XDH: variants seen among roughly 807,000 people sequenced by gnomAD.
XDH encodes the protein xanthine dehydrogenase, also known as xanthine dehydrogenase/oxidase.
XDH carries 138 observed loss-of-function variants against 156.1 expected under a neutral mutation model. That is an observed-to-expected ratio of 0.88 (90% CI 0.77 to 1.02). The LOEUF (loss-of-function observed/expected upper bound fraction) is 1.02, where lower values mean the gene tolerates loss of function less well. XDH is among the 50% of genes least tolerant of loss of function. The pLI is 0.00. For synonymous variants in XDH, 669 were observed against 625.7 expected, an observed-to-expected ratio of 1.07 and a Z score of -1.03; for missense variants, 1,849 against 1,684.9, an observed-to-expected ratio of 1.10 and a Z score of -1.71.
intron 2 of XDH, among the ~76,000 whole-genome samples, chr2:31,403,427 C>T (rs1273047778): frequency 1.3e-5 from 2 of 152,142 alleles, no homozygotes; most frequent in East Asian, 3.9e-4. Flanking sequence ...AGTTCTAGGA[C>T]TGGTCAGTCC....
chr2:31,373,332 T>TG (rs1297236135), intron 16 of XDH, among the ~76,000 whole-genome samples: 2 of 152,216 alleles, frequency 1.3e-5, no homozygotes, highest in Admixed American at 1.3e-4. Context: ...ACAAGCCCAC[T>TG]GCCTGTTTTT....
intron 9 of XDH, 64 bp from the exon 10 acceptor site, chr2:31,383,911 A>T: frequency 7.1e-7 from 1 of 1,409,230 alleles, no homozygotes; most frequent in Non-Finnish European, 1.0e-6. Flanking sequence ...AGGCCTTAGC[A>T]GCTTTTCTCA....
At chr2:31,369,040 C>A (rs1686000513) in intron 18 of XDH, among the ~76,000 whole-genome samples, 1 of 152,184 alleles carries the variant, frequency 6.6e-6, no homozygotes, top group South Asian at 2.1e-4. Flanking sequence ...GAAGGCAAGG[C>A]CACATTTGGC....
chr2:31,403,597 T>C (rs1285872401), intron 2 of XDH, among the ~76,000 whole-genome samples: 2 of 152,164 alleles, frequency 1.3e-5, no homozygotes, highest in East Asian at 3.8e-4. Context: ...GAGTCCTTGC[T>C]TTTCACTCTG....
chr2:31,412,493 G>A (rs879602622), intron 1 of XDH, among the ~76,000 whole-genome samples: 2 of 152,092 alleles, frequency 1.3e-5, no homozygotes, highest in Non-Finnish European at 1.5e-5. Context: ...GGGGTGGGGG[G>A]AGAGGGGAGG....
chr2:31,370,625 T>A, intron 17 of XDH, 147 bp from the exon 18 acceptor site: 1 of 1,118,622 alleles, frequency 8.9e-7, no homozygotes, highest in Non-Finnish European at 1.3e-6. Context: ...AGATTCTAAT[T>A]CAATTATATC....
intron 32 of XDH, among the ~76,000 whole-genome samples, chr2:31,341,868 G>C (rs1416831218): frequency 6.6e-6 from 1 of 152,166 alleles, no homozygotes; most frequent in African/African-American, 2.4e-5. Context: ...AAAATTGTAT[G>C]AGATTCAATT....
At position 31,335,020 on chromosome 2, in the gene XDH, C is replaced by T. The variant is rs193245354; in HGVS notation, c.*938G>A. 10 of 152,246 alleles carry T rather than the reference C, an allele frequency of 6.6e-5. No homozygotes were observed. In the South Asian group the frequency reaches 1.5e-3, roughly 22 times the overall value. The allele number at this position is 152,246 out of a possible 1,614,324, so 9.4% of individuals were successfully genotyped here. A position where few individuals can be genotyped will look rare whatever the true frequency, so the allele number is the denominator to read the frequency against. ...AAGTAGTTGGGACTACAGGCATGCA[C>T]TATCAAGACCAACTAATTAAAAAAA... is the stretch of plus-strand genomic sequence containing the variant. On this transcript the variant is annotated 3_prime_UTR_variant, in exon 36 of 36. Transcript: ENST00000379416.
At chr2:31,374,860 G>A (rs1331727143) in intron 15 of XDH, among the ~76,000 whole-genome samples, 1 of 151,174 alleles carries the variant, frequency 6.6e-6, no homozygotes, top group Non-Finnish European at 1.5e-5. Context: ...TCAGGAGCTG[G>A]GCCCACCTCA....
chr2:31,392,101 C>T (rs1686781480), intron 6 of XDH, among the ~76,000 whole-genome samples: 1 of 151,992 alleles, frequency 6.6e-6, no homozygotes, highest in East Asian at 1.9e-4. Flanking sequence ...TAGAGTTGTT[C>T]TTAATATTCC....
rs1490538755 is a variant in XDH, at chr2:31,398,628, T to A, written c.378A>T (p.Thr126=). The A allele has an allele frequency of 1.3e-5, 21 of 1,614,106 alleles. No individual in the cohort carries two copies. The highest frequency in any genetic ancestry group is 1.7e-5 in the Non-Finnish European group (20 of 1,179,992). ...TGGGCTCGGGCTGATTCCGGAGCAGTGTGTACATACTCATGACGATGCCAG... is the reference window on the plus strand; with the variant it reads ...TGGGCTCGGGCTGATTCCGGAGCAGAGTGTACATACTCATGACGATGCCAG... ...CTPGIVMSMY[T]LLRNQPEPTM... is the part of the protein sequence containing the mutation. Residue 126 remains threonine (T), a synonymous_variant, in exon 5 of 36, where the codon ACA becomes ACT. Coordinates refer to ENST00000379416, the MANE Select transcript of XDH (RefSeq NM_000379.4).
In XDH at chr2:31,378,175, G is replaced by GAAGGAAGGAAGC. The variant is rs1686325599; in HGVS notation, c.1243-939_1243-938insGCTTCCTTCCTT. 1.1e-4 allele frequency among the ~76,000 whole-genome samples: 8 copies of GAAGGAAGGAAGC among 71,610 alleles called. 1 individual carries two copies. The highest frequency in any genetic ancestry group is 4.1e-4 in the African/African-American group (7 of 17,148). The allele number at this position is 71,610 out of a possible 152,430, so 47.0% of individuals were successfully genotyped here. The stretch of plus-strand genomic sequence containing the variant: ...GGAAGGAAGGAAGGAAGGAAGGAAG[G>GAAGGAAGGAAGC]AAGCAAGCAAGCAAGCAAAGCAAGA... On this transcript the variant is annotated intron_variant, in intron 13 of 35. Coordinates refer to ENST00000379416, the MANE Select transcript of XDH (RefSeq NM_000379.4).
At position 31,335,916 on chromosome 2, in the gene XDH, G is replaced by A; in HGVS notation, c.*42C>T. On this transcript the variant is annotated 3_prime_UTR_variant, in exon 36 of 36. Coordinates refer to ENST00000379416, the MANE Select transcript of XDH (RefSeq NM_000379.4). Reference sequence around the variant, plus strand: ...GGTATGTTCCTCCTGCTCCATGGAAGCCCAAAGGCAGCACAAGAAGACTCT... The same window carrying A: ...GGTATGTTCCTCCTGCTCCATGGAAACCCAAAGGCAGCACAAGAAGACTCT... The A allele has an allele frequency of 1.2e-6, 2 of 1,607,284 alleles. No homozygotes were observed. The highest frequency in any genetic ancestry group is 1.7e-6 in the Non-Finnish European group (2 of 1,173,780).
chr2:31,368,703 T>C (rs1304806889), intron 18 of XDH, 43 bp from the exon 19 acceptor site: 3 of 1,614,194 alleles, frequency 1.9e-6, no homozygotes, highest in South Asian at 2.2e-5. Context: ...ACCAGGCTCA[T>C]GGTGAAACAA....
intron 13 of XDH, among the ~76,000 whole-genome samples, chr2:31,377,505 T>G (rs768631465): frequency 6.6e-6 from 1 of 152,066 alleles, no homozygotes; most frequent in Non-Finnish European, 1.5e-5. Context: ...AAAGTAGAAC[T>G]GGGTGGTCTC....
intron 7 of XDH, 135 bp downstream of exon 7, chr2:31,388,092 C>T: frequency 9.0e-7 from 1 of 1,112,364 alleles, no homozygotes; most frequent in South Asian, 1.3e-5. Flanking sequence ...CCATCACCAT[C>T]CCCACAGTCT....
At chr2:31,374,032 T>C in intron 15 of XDH, 76 bp from the exon 16 acceptor site, 1 of 1,413,684 alleles carries the variant, frequency 7.1e-7, no homozygotes, top group South Asian at 1.2e-5. Context: ...TCCATAAAAA[T>C]GACCAAACTG....
chr2:31,379,814 C>T, intron 13 of XDH, 53 bp downstream of exon 13: 1 of 1,549,300 alleles, frequency 6.5e-7, no homozygotes, highest in Non-Finnish European at 8.9e-7. Flanking sequence ...TTGTCTAGAG[C>T]CTGGCAATAG....
chr2:31,387,322 G>C (rs1204318708), intron 8 of XDH, among the ~76,000 whole-genome samples: 1 of 152,118 alleles, frequency 6.6e-6, no homozygotes, highest in Non-Finnish European at 1.5e-5. Flanking sequence ...GTGATAAAGT[G>C]GGTGTGAGGG....
Sources: gnomAD v4.1 joint callset for allele counts (sites outside exome capture counted in the v4.1 genomes callset) on GRCh38, gnomAD v4.1.1 for gene constraint, MANE v1.5 for transcripts, NCBI Gene and HGNC (gene_info 2026-07-23, HGNC 2026-07-21) for gene names.